The following RIMS2 variants were observed in gnomAD, a reference collection of about 807,000 sequenced individuals.
The protein encoded by RIMS2 is regulating synaptic membrane exocytosis protein 2.
RIMS2 carries 59 observed loss-of-function variants against 174.4 expected under a neutral mutation model. The observed-to-expected ratio is 0.34, with a 90% confidence interval of 0.27 to 0.42. The LOEUF (loss-of-function observed/expected upper bound fraction) is 0.42. Ranked by LOEUF, RIMS2 falls within the 10% of genes least tolerant of loss-of-function variation. The pLI is 1.00. For missense variants in RIMS2, 1,620 were observed against 1,666.3 expected (o/e 0.97, Z 0.48); for synonymous variants, 606 against 572.5 (o/e 1.06, Z -0.84).
intron 19 of RIMS2, chr8:104,223,842 TCGGTGGCTGGAGGGTTGGCCGGG>T: frequency 6.6e-7 from 1 of 1,515,596 alleles, no homozygotes; most frequent in Non-Finnish European, 9.0e-7. Context: ...GTTTAGAAAG[TCGGTGGCTGGAGGGTTGGCCGGG>T]GCAGAGAGAA....
exon 12 of RIMS2, chr8:103,931,313 G>T: frequency 1.2e-6 from 2 of 1,603,890 alleles, no homozygotes; most frequent in Non-Finnish European, 1.7e-6. Context: ...TTACAATTTT[G>T]GGAGCAAAAG....
At chr8:103,709,225 T>A (rs921427101) in intron 2 of RIMS2, among the ~76,000 whole-genome samples, 1 of 152,176 alleles carries the variant, frequency 6.6e-6, no homozygotes, top group Non-Finnish European at 1.5e-5. Context: ...TCTGTGTAAC[T>A]TTAAAAACAT....
At chr8:104,169,258 G>T (rs1026069657) in intron 19 of RIMS2, among the ~76,000 whole-genome samples, 1 of 147,300 alleles carries the variant, frequency 6.8e-6, no homozygotes, top group Non-Finnish European at 1.5e-5. Flanking sequence ...ATGTCTGATA[G>T]AATTCAGCTG....
chr8:104,173,007 A>T (rs1244215915), intron 19 of RIMS2, among the ~76,000 whole-genome samples: 1 of 152,146 alleles, frequency 6.6e-6, no homozygotes, highest in Non-Finnish European at 1.5e-5. Context: ...GTTTTCCACT[A>T]AAATAGCCTT....
chr8:103,602,418 C>A (rs2094802651), intron 1 of RIMS2, among the ~76,000 whole-genome samples: 1 of 151,770 alleles, frequency 6.6e-6, no homozygotes, highest in African/African-American at 2.4e-5. Flanking sequence ...AAGCATAGTA[C>A]TTAATAGGTA....
At chr8:103,500,772 T>G in exon 1 of RIMS2, 1 of 584,126 alleles carries the variant, frequency 1.7e-6, no homozygotes, top group Non-Finnish European at 3.0e-6. Flanking sequence ...TTGAAGGCCA[T>G]TGATTTGTAT....
At chr8:103,547,921 T>C (rs1845862986) in intron 1 of RIMS2, among the ~76,000 whole-genome samples, 1 of 152,074 alleles carries the variant, frequency 6.6e-6, no homozygotes, top group South Asian at 2.1e-4. Flanking sequence ...AAGAAATGGC[T>C]AGATTTCTGG....
Position 104,197,988 on chromosome 8 carries a change from T to A in RIMS2, c.3335-46928T>A, listed in dbSNP as rs537411046. ...TAATAATAATAAAATAAAAATTTTTTAAAAACTTTAAATACAACAGTCAAA... is the reference window on the plus strand; with the variant it reads ...TAATAATAATAAAATAAAAATTTTTAAAAAACTTTAAATACAACAGTCAAA... On this transcript the variant is annotated intron_variant, in intron 19 of 23. Coordinates refer to ENST00000504942, the Ensembl canonical transcript of RIMS2. 1.0e-3 allele frequency among the ~76,000 whole-genome samples: 154 copies of A among 151,944 alleles called. No individual in the cohort carries two copies. The Middle Eastern group carries it at 0.014, about 13-fold the overall frequency.
chr8:104,016,687 A>G (rs1475022519), intron 19 of RIMS2, among the ~76,000 whole-genome samples: 1 of 152,092 alleles, frequency 6.6e-6, no homozygotes, highest in Non-Finnish European at 1.5e-5. Flanking sequence ...TTTCAACATC[A>G]TTTATTGGCA....
chr8:103,978,571 A>G lies in RIMS2; in HGVS notation c.2927+3065A>G, dbSNP rs150481899. ...TGCTCAATTGTATGCTCATAAGGCCATTTCTGTAAAGAAGCAGTACTTTTT... is the reference window on the plus strand; with the variant it reads ...TGCTCAATTGTATGCTCATAAGGCCGTTTCTGTAAAGAAGCAGTACTTTTT... On this transcript the variant is annotated intron_variant, in intron 16 of 23. Transcript: ENST00000504942. 3.0e-3 allele frequency among the ~76,000 whole-genome samples: 462 copies of G among 152,368 alleles called. 2 individuals carry two copies. The highest frequency in any genetic ancestry group is 0.01 in the African/African-American group (430 of 41,588).
chr8:103,874,322 A>G (rs2099125553), intron 3 of RIMS2, among the ~76,000 whole-genome samples: 1 of 152,074 alleles, frequency 6.6e-6, no homozygotes, highest in Non-Finnish European at 1.5e-5. Flanking sequence ...TAGCTCTGCT[A>G]ATCATGGCTC....
At chr8:103,543,828 A>T (rs558987730) in intron 1 of RIMS2, among the ~76,000 whole-genome samples, 2 of 152,238 alleles carry the variant, frequency 1.3e-5, no homozygotes, top group Non-Finnish European at 2.9e-5. Flanking sequence ...ATGTCACACC[A>T]TGTGCAAAAA....
chr8:103,918,800 A>C (rs1218324714), intron 9 of RIMS2: 3 of 217,896 alleles, frequency 1.4e-5, no homozygotes, highest in Non-Finnish European at 2.7e-5. Flanking sequence ...TATACCTGTG[A>C]AACCATCATC....
rs913427185 is a variant in RIMS2 at position 103,608,493 on chromosome 8, G to A, written c.177-88593G>A. ...AGGTGGAGCCTACAGAGGCAGGCAGGCCTCCTTGAGCTGTGGTGGGCTCCA... is the reference window on the plus strand; with the variant it reads ...AGGTGGAGCCTACAGAGGCAGGCAGACCTCCTTGAGCTGTGGTGGGCTCCA... On this transcript the variant is annotated intron_variant, in intron 1 of 23. Coordinates refer to ENST00000504942, the Ensembl canonical transcript of RIMS2. 1.1e-3 allele frequency among the ~76,000 whole-genome samples: 153 copies of A among 144,450 alleles called. 17 individuals carry two copies. The highest frequency in any genetic ancestry group is 1.3e-3 in the Non-Finnish European group (82 of 65,570). 94.8% of individuals were successfully genotyped at this position (144,450 alleles called of 152,430 possible).
intron 1 of RIMS2, among the ~76,000 whole-genome samples, chr8:103,515,887 G>A (rs915212356): frequency 2.6e-5 from 4 of 151,990 alleles, no homozygotes; most frequent in Non-Finnish European, 5.9e-5. Flanking sequence ...TGGCTATAGT[G>A]TCAGTTATTA....
intron 19 of RIMS2, among the ~76,000 whole-genome samples, chr8:104,169,636 T>G (rs1378870096): frequency 6.6e-6 from 1 of 151,980 alleles, no homozygotes; most frequent in African/African-American, 2.4e-5. Flanking sequence ...CAGCTTTTTG[T>G]TTTATTTATC....
intron 3 of RIMS2, among the ~76,000 whole-genome samples, chr8:103,775,148 A>G (rs536127000): frequency 3.4e-4 from 52 of 152,114 alleles, no homozygotes; most frequent in Non-Finnish European, 7.4e-4. Context: ...CTAAGTGTGC[A>G]TTACATATGG....
At chr8:103,585,531 A>G (rs2093866569) in intron 1 of RIMS2, among the ~76,000 whole-genome samples, 1 of 152,204 alleles carries the variant, frequency 6.6e-6, no homozygotes, top group Non-Finnish European at 1.5e-5. Context: ...GCACATATAT[A>G]CCATAGAATA....
chr8:103,722,470 G>A (rs577647994), intron 2 of RIMS2, among the ~76,000 whole-genome samples: 10 of 152,130 alleles, frequency 6.6e-5, no homozygotes, highest in African/African-American at 2.4e-4. Flanking sequence ...ATCATCAGGC[G>A]TTAGATTCTT....
Sources: allele counts gnomAD v4.1 joint callset (sites outside exome capture counted in the v4.1 genomes callset), GRCh38; gene constraint gnomAD v4.1.1; transcripts MANE v1.5; gene names NCBI Gene and HGNC (gene_info 2026-07-23, HGNC 2026-07-21).